The following TEX9 variants were observed in gnomAD, a reference collection of about 807,000 sequenced individuals.
TEX9 encodes the protein testis-expressed protein 9.
A neutral mutation model predicts 59.6 loss-of-function variants in TEX9; 74 were observed. That is an observed-to-expected ratio of 1.24 (90% confidence interval 1.03 to 1.51). TEX9 has a LOEUF of 1.51. Among genes scored for constraint, TEX9 ranks in the 40% most tolerant of loss-of-function variants. TEX9 has a pLI of 0.00. For missense variants in TEX9, 522 were observed against 447.8 expected (o/e 1.17, Z -1.49); for synonymous variants, 186 against 152.2 (o/e 1.22, Z -1.64).
chr15:56,442,910 G>GA (rs879742910), intron 12 of TEX9, among the ~76,000 whole-genome samples: 1,845 of 140,358 alleles, frequency 0.013, 36 homozygotes, highest in African/African-American at 0.044. Context: ...AAGAGAAAAA[G>GA]AAAAAAAAAA....
intron 1 of TEX9, among the ~76,000 whole-genome samples, chr15:56,292,922 C>T (rs1305075725): frequency 6.6e-6 from 1 of 152,198 alleles, no homozygotes. Flanking sequence ...TAGCTTCTTT[C>T]CCTATGCTAT....
intron 12 of TEX9, chr15:56,429,008 G>T: frequency 4.6e-6 from 3 of 645,950 alleles, no homozygotes; most frequent in South Asian, 2.4e-5. Flanking sequence ...ACAGACAATG[G>T]ATACCTAATG....
chr15:56,363,509 T>C (rs1189850982), upstream of TEX9, among the ~76,000 whole-genome samples: 1 of 152,104 alleles, frequency 6.6e-6, no homozygotes, highest in East Asian at 1.9e-4. Flanking sequence ...GGGTGTCAAG[T>C]GGCATTTCAT....
At chr15:56,445,087 C>T (rs73415841) in intron 12 of TEX9, among the ~76,000 whole-genome samples, 4,028 of 152,076 alleles carry the variant, frequency 0.026, 175 homozygotes, top group African/African-American at 0.092. Flanking sequence ...GATGGTACTG[C>T]CTCTTTCTTA....
Position 56,394,975 on chromosome 15 carries a change from T to C in TEX9, c.828+141T>C, listed in dbSNP as rs147360195. On this transcript the variant is annotated intron_variant, in intron 9 of 12. Coordinates refer to ENST00000352903, the Ensembl canonical transcript of TEX9. ...AAACTCTTTCCCCTTACATAGAATA[T>C]TTTTAACAACTTTATTGAGATGTAA... 579 of 813,088 alleles carry C rather than the reference T, an allele frequency of 7.1e-4. 4 individuals carry two copies. In the African/African-American group the frequency reaches 9.3e-3, roughly 13 times the overall value. 50.4% of individuals were successfully genotyped at this position (813,088 alleles called of 1,614,324 possible). A position where few individuals can be genotyped will look rare whatever the true frequency, so the allele number is the denominator to read the frequency against.
chr15:56,407,855 G>A (rs1290437963), intron 9 of TEX9, among the ~76,000 whole-genome samples: 1 of 152,058 alleles, frequency 6.6e-6, no homozygotes, highest in African/African-American at 2.4e-5. Flanking sequence ...CAACCTCGCT[G>A]CCTCTATACC....
chr15:56,412,586 C>T (rs1235862621), intron 10 of TEX9, 150 bp downstream of exon 10: 1 of 847,046 alleles, frequency 1.2e-6, no homozygotes, highest in African/African-American at 1.8e-5. Context: ...GCAGTATACA[C>T]ATTTCTAACA....
At position 56,431,597 on chromosome 15, in the gene TEX9, G is replaced by T. The variant is rs2050598210; in HGVS notation, c.*29+3124G>T. ...ATGCAATGAATTAGATAAAATTGATGAACTATTTATGACACTAAGTTCAAA... is the reference window on the plus strand; with the variant it reads ...ATGCAATGAATTAGATAAAATTGATTAACTATTTATGACACTAAGTTCAAA... On this transcript the variant is annotated intron_variant, in intron 12 of 12. Coordinates refer to ENST00000352903, the Ensembl canonical transcript of TEX9. 5.8e-6 allele frequency: 7 copies of T among 1,210,782 alleles called. No homozygotes were observed. In the South Asian group the frequency reaches 6.9e-5, roughly 12 times the overall value. 75.0% of individuals were successfully genotyped at this position (1,210,782 alleles called of 1,614,324 possible). A position where few individuals can be genotyped will look rare whatever the true frequency, so the allele number is the denominator to read the frequency against.
In TEX9 at chr15:56,339,383, CAAAAAAAAAAAAAAA is replaced by C. The variant is rs71456382; in HGVS notation, c.-106-34041_-106-34027del. Among the ~76,000 whole-genome samples the C allele has an allele frequency of 2.0e-3, 62 of 30,770 alleles. 2 individuals carry two copies. Among genetic ancestry groups the C allele is most frequent in the Admixed American group, 3.0e-3 (5 of 1,640 alleles). 20.2% of individuals were successfully genotyped at this position (30,770 alleles called of 152,430 possible). On this transcript the variant is annotated intron_variant, in intron 1 of 5. Transcript: ENST00000560827. ...GGGTGTCAGAGCAAGACTCCTTCTC[CAAAAAAAAAAAAAAA>C]AAAAAAAAAAAAAAAACAGGAGAAT...
Position 56,336,266 on chromosome 15 carries a change from C to A in TEX9, c.-106-37175C>A, listed in dbSNP as rs78935075. Among the ~76,000 whole-genome samples the A allele has an allele frequency of 2.8e-3, 424 of 152,264 alleles. 4 individuals are homozygous for A. The highest frequency in any genetic ancestry group is 9.7e-3 in the African/African-American group (404 of 41,538). On this transcript the variant is annotated intron_variant, in intron 1 of 5. Coordinates refer to the TEX9 transcript ENST00000560827. ...CTGAATGTTTGTATTCCCCACCCCCCATTCATGTTAAATCCCTAATCCCAA... is the reference window on the plus strand; with the variant it reads ...CTGAATGTTTGTATTCCCCACCCCCAATTCATGTTAAATCCCTAATCCCAA...
intron 2 of TEX9, among the ~76,000 whole-genome samples, chr15:56,371,563 A>G (rs1039254351): frequency 2.5e-4 from 38 of 151,594 alleles, no homozygotes; most frequent in Admixed American, 5.3e-4. Context: ...ACATCTGCTG[A>G]TTCTCTCTTT....
At chr15:56,454,371 C>A in the TEX9 span, among the ~76,000 whole-genome samples, 1 of 48,234 alleles carries the variant, frequency 2.1e-5, no homozygotes, top group African/African-American at 7.1e-5. Context: ...CAATTATACT[C>A]TTTATTTTTA....
At chr15:56,297,932 A>G (rs1044890972) in intron 1 of TEX9, among the ~76,000 whole-genome samples, 6 of 152,332 alleles carry the variant, frequency 3.9e-5, no homozygotes, top group African/African-American at 1.4e-4. Context: ...CTGGGGAAAC[A>G]TTTTACACAT....
downstream of TEX9, among the ~76,000 whole-genome samples, chr15:56,448,020 T>TCCCTGA (rs2050920589): frequency 6.6e-6 from 1 of 152,226 alleles, no homozygotes; most frequent in Non-Finnish European, 1.5e-5. Context: ...ATTATAGATA[T>TCCCTGA]CCACTCGCAT....
chr15:56,256,373 C>T (rs540037054), intron 1 of TEX9, among the ~76,000 whole-genome samples: 11 of 151,976 alleles, frequency 7.2e-5, no homozygotes, highest in African/African-American at 2.2e-4. Flanking sequence ...ATAAGAATGA[C>T]AGTGAAAACA....
intron 1 of TEX9, among the ~76,000 whole-genome samples, chr15:56,310,630 C>A (rs8037682): frequency 2.6e-5 from 4 of 151,890 alleles, no homozygotes; most frequent in Admixed American, 1.3e-4. Context: ...GCCAAGTAGG[C>A]TAGCCACTGA....
chr15:56,299,709 A>G (rs190658790), intron 1 of TEX9, among the ~76,000 whole-genome samples: 3 of 152,154 alleles, frequency 2.0e-5, no homozygotes, highest in South Asian at 4.2e-4. Flanking sequence ...CCGCAGTACA[A>G]TGGGGTACTG....
At chr15:56,399,577 G>A (rs189503494) in intron 9 of TEX9, among the ~76,000 whole-genome samples, 30 of 152,324 alleles carry the variant, frequency 2.0e-4, no homozygotes, top group Middle Eastern at 3.4e-3. Context: ...AGACTTAAAC[G>A]TCCCTGTCTG....
intron 1 of TEX9, among the ~76,000 whole-genome samples, chr15:56,324,994 C>G (rs189444531): frequency 6.6e-6 from 1 of 152,148 alleles, no homozygotes. Flanking sequence ...TTACCTACCT[C>G]TAGTCATCAG....
Sources: allele counts gnomAD v4.1 joint callset (sites outside exome capture counted in the v4.1 genomes callset), GRCh38; gene constraint gnomAD v4.1.1; transcripts MANE v1.5; gene names NCBI Gene and HGNC (gene_info 2026-07-23, HGNC 2026-07-21).